The following ADORA2B variants were observed in gnomAD, a reference collection of about 807,000 sequenced individuals.
ADORA2B encodes adenosine receptor A2b.
In ADORA2B, 18 loss-of-function variants were observed where a neutral mutation model predicts 20.8. That is an observed-to-expected ratio of 0.87 (90% CI 0.60 to 1.29). The LOEUF (loss-of-function observed/expected upper bound fraction) is 1.29, where lower values mean the gene tolerates loss of function less well. Among genes scored for constraint, ADORA2B ranks in the 50% most tolerant of loss-of-function variants. The pLI, the probability that ADORA2B is intolerant of heterozygous loss-of-function variation, is 0.00. For missense variants in ADORA2B, 441 were observed against 422.7 expected, an observed-to-expected ratio of 1.04 and a Z score of -0.38; for synonymous variants, 179 against 178.3, an observed-to-expected ratio of 1.00 and a Z score of -0.03.
the ADORA2B span, among the ~76,000 whole-genome samples, chr17:15,851,549 T>G: frequency 2.6e-5 from 4 of 152,130 alleles, no homozygotes; most frequent in Non-Finnish European, 4.4e-5. Context: ...AGCAAATGCC[T>G]TCCCAGCCAT....
chr17:15,872,636 GGTTTTTGTTTTT>G, the ADORA2B span, among the ~76,000 whole-genome samples: 1 of 152,028 alleles, frequency 6.6e-6, no homozygotes, highest in Non-Finnish European at 1.5e-5. Flanking sequence ...TATATTCCTA[GGTTTTTGTTTTT>G]GTTTTTGTTT....
At chr17:15,914,410 G>T in the ADORA2B span, among the ~76,000 whole-genome samples, 1 of 152,008 alleles carries the variant, frequency 6.6e-6, no homozygotes, top group South Asian at 2.1e-4. Flanking sequence ...TTGCTTTGTT[G>T]CCCAGGCTAG....
At chr17:15,925,010 A>G in the ADORA2B span, among the ~76,000 whole-genome samples, 1 of 151,606 alleles carries the variant, frequency 6.6e-6, no homozygotes, top group Non-Finnish European at 1.5e-5. Context: ...AGTAGCTGGC[A>G]CCACAGGCAT....
the ADORA2B span, among the ~76,000 whole-genome samples, chr17:15,862,752 T>G: frequency 6.6e-6 from 1 of 152,032 alleles, no homozygotes; most frequent in African/African-American, 2.4e-5. Context: ...ATATACAATA[T>G]GAACGTATTG....
At chr17:15,857,589 C>T in the ADORA2B span, among the ~76,000 whole-genome samples, 3 of 152,338 alleles carry the variant, frequency 2.0e-5, no homozygotes, top group East Asian at 5.8e-4. Flanking sequence ...GAGCCTACCC[C>T]TTGGATCAGT....
At chr17:15,900,435 T>G in the ADORA2B span, among the ~76,000 whole-genome samples, 5 of 152,088 alleles carry the variant, frequency 3.3e-5, no homozygotes, top group Non-Finnish European at 5.9e-5. Flanking sequence ...ATTTTGACTT[T>G]TTATTTTTAT....
At chr17:15,864,492 G>T in the ADORA2B span, among the ~76,000 whole-genome samples, 1 of 151,392 alleles carries the variant, frequency 6.6e-6, no homozygotes, top group African/African-American at 2.4e-5. Context: ...ATATGCCCAG[G>T]CACAAGGGAG....
chr17:15,931,742 C>CT, the ADORA2B span, among the ~76,000 whole-genome samples: 3,638 of 151,330 alleles, frequency 0.024, 150 homozygotes, highest in African/African-American at 0.083. Context: ...GTCTTTTTCT[C>CT]TTTTTTTTTG....
intron 1 of ADORA2B, among the ~76,000 whole-genome samples, chr17:15,948,950 G>A (rs1969855150): frequency 6.6e-6 from 1 of 152,174 alleles, no homozygotes; most frequent in Non-Finnish European, 1.5e-5. Flanking sequence ...GCTCACGCCT[G>A]TAATCCCAGC....
At chr17:15,972,210 A>G (rs774479711) in intron 1 of ADORA2B, among the ~76,000 whole-genome samples, 1 of 152,166 alleles carries the variant, frequency 6.6e-6, no homozygotes, top group South Asian at 2.1e-4. Flanking sequence ...AGAGGGAGCC[A>G]TTGGTTAAGA....
At chr17:15,901,890 G>C in the ADORA2B span, among the ~76,000 whole-genome samples, 1 of 152,298 alleles carries the variant, frequency 6.6e-6, no homozygotes, top group East Asian at 1.9e-4. Flanking sequence ...ATACACATAA[G>C]AGTCACTGTC....
At chr17:15,942,846 A>G, upstream of ADORA2B, among the ~76,000 whole-genome samples, 1 of 152,136 alleles carries the variant, frequency 6.6e-6, no homozygotes. Flanking sequence ...TCTCCTGGGC[A>G]TGGCACCCCT....
intron 1 of ADORA2B, among the ~76,000 whole-genome samples, chr17:15,968,852 C>T (rs1164164199): frequency 1.3e-5 from 2 of 152,124 alleles, no homozygotes; most frequent in East Asian, 1.9e-4. Context: ...GGTGCATAGG[C>T]GGTGGCAGCT....
chr17:15,872,530 T>C, the ADORA2B span, among the ~76,000 whole-genome samples: 1 of 152,218 alleles, frequency 6.6e-6, no homozygotes, highest in Non-Finnish European at 1.5e-5. Context: ...GTTGATTCTA[T>C]GAGCATGGGA....
At chr17:15,850,643 C>A in the ADORA2B span, 1 of 169,716 alleles carries the variant, frequency 5.9e-6, no homozygotes, top group East Asian at 1.8e-4. Context: ...ATGAGGACCT[C>A]CCCAGCAGCT....
At chr17:15,934,814 CTA>C in the ADORA2B span, among the ~76,000 whole-genome samples, 6 of 151,842 alleles carry the variant, frequency 4.0e-5, no homozygotes, top group Non-Finnish European at 8.8e-5. Context: ...ATTTATTTAT[CTA>C]TCTATTTTGA....
the ADORA2B span, among the ~76,000 whole-genome samples, chr17:15,865,259 T>C: frequency 6.6e-6 from 1 of 152,224 alleles, no homozygotes; most frequent in African/African-American, 2.4e-5. Context: ...CTATAGTGTT[T>C]TTTTTGTTGT....
the ADORA2B span, among the ~76,000 whole-genome samples, chr17:15,881,991 C>G: frequency 2.0e-5 from 3 of 152,166 alleles, no homozygotes; most frequent in Non-Finnish European, 4.4e-5. Context: ...TATTTATCCT[C>G]CCTTTTCTCA....
At chr17:15,945,042 G>A, upstream of ADORA2B, 1 of 338,706 alleles carries the variant, frequency 3.0e-6, no homozygotes, top group Non-Finnish European at 5.2e-6. Context: ...CGAGACGGGC[G>A]GGCGCGCGGG....
Sources: allele counts gnomAD v4.1 joint callset (sites outside exome capture counted in the v4.1 genomes callset), GRCh38; gene constraint gnomAD v4.1.1; transcripts MANE v1.5; gene names NCBI Gene and HGNC (gene_info 2026-07-23, HGNC 2026-07-21).